The following ERAP1 variants were observed in gnomAD, a reference collection of about 807,000 sequenced individuals.
The protein encoded by ERAP1 is endoplasmic reticulum aminopeptidase 1.
In ERAP1, 86 loss-of-function variants were observed where a neutral mutation model predicts 103.7. The observed-to-expected ratio is 0.83, with a 90% confidence interval of 0.70 to 0.99. The LOEUF (loss-of-function observed/expected upper bound fraction) is 0.99. ERAP1 is among the 50% of genes least tolerant of loss of function. The pLI is 0.00. For missense variants in ERAP1, 1,009 were observed against 1,128.4 expected (o/e 0.89, Z 1.52); for synonymous variants, 398 against 402.4 (o/e 0.99, Z 0.13).
chr5:96,892,288 T>C, the ERAP1 span: 280 of 1,613,500 alleles, frequency 1.7e-4, 1 homozygote, highest in Non-Finnish European at 1.4e-5. Context: ...ATGGTTGTTC[T>C]TATTTCTTAG....
At chr5:96,790,995 C>A (rs1252440452) in intron 8 of ERAP1, among the ~76,000 whole-genome samples, 1 of 152,224 alleles carries the variant, frequency 6.6e-6, no homozygotes, top group East Asian at 1.9e-4. Flanking sequence ...ACCTGGCTCT[C>A]CCACTGCCAT....
rs1035073603 is a variant in ERAP1 at position 96,776,031 on chromosome 5, G to C, written c.*365C>G. 1.4e-5 allele frequency: 16 copies of C among 1,159,642 alleles called. No homozygotes were observed. In the African/African-American group the frequency reaches 1.9e-4, roughly 14 times the overall value. The allele number at this position is 1,159,642 out of a possible 1,614,324, so 71.8% of individuals were successfully genotyped here. A position where few individuals can be genotyped will look rare whatever the true frequency, so the allele number is the denominator to read the frequency against. On this transcript the variant is annotated 3_prime_UTR_variant, in exon 19 of 19. Coordinates refer to ENST00000443439, the MANE Select transcript of ERAP1 (RefSeq NM_001040458.3). ...TCATTGTTCAGTAGTCGACTATTCA[G>C]AGTCTTTCGAGGAGACTGATGAAAC...
chr5:96,817,174 T>A, the ERAP1 span, among the ~76,000 whole-genome samples: 1 of 152,160 alleles, frequency 6.6e-6, no homozygotes, highest in South Asian at 2.1e-4. Context: ...AGTCTCCCCA[T>A]GGGCAAAGCC....
At chr5:96,785,516 TCTC>T in intron 13 of ERAP1, 2 of 435,948 alleles carry the variant, frequency 4.6e-6, no homozygotes, top group Non-Finnish European at 8.6e-6. Flanking sequence ...AGGATGTTGA[TCTC>T]CTGGTTATCT....
At chr5:96,804,091 T>C (rs1778291691) in intron 1 of ERAP1, 148 bp from the exon 2 acceptor site, 2 of 792,518 alleles carry the variant, frequency 2.5e-6, no homozygotes, top group South Asian at 3.3e-5. Flanking sequence ...TAAAAGGACC[T>C]TCCCTATGTT....
At chr5:96,785,649 G>A in intron 13 of ERAP1, 139 bp downstream of exon 13, 2 of 849,482 alleles carry the variant, frequency 2.4e-6, no homozygotes, top group Admixed American at 2.2e-5. Context: ...AAGCAATCTT[G>A]GGTTGTTAGA....
At chr5:96,761,815 T>G (rs1768059107) in exon 20 of ERAP1, 3 of 154,310 alleles carry the variant, frequency 1.9e-5, no homozygotes, top group African/African-American at 7.2e-5. Context: ...AGTCAAATTC[T>G]GGCAAGCAAG....
At chr5:96,820,232 C>A in the ERAP1 span, among the ~76,000 whole-genome samples, 13 of 152,206 alleles carry the variant, frequency 8.5e-5, no homozygotes, top group Admixed American at 2.6e-4. Flanking sequence ...TTTAATCTGG[C>A]AACTAACTAA....
intron 2 of ERAP1, among the ~76,000 whole-genome samples, chr5:96,801,571 G>A (rs1400515190): frequency 6.6e-6 from 1 of 151,844 alleles, no homozygotes; most frequent in South Asian, 2.1e-4. Flanking sequence ...CTAAAAATAT[G>A]TAATCCTAAA....
chr5:96,876,768 T>C, the ERAP1 span, among the ~76,000 whole-genome samples: 1 of 152,126 alleles, frequency 6.6e-6, no homozygotes, highest in African/African-American at 2.4e-5. Flanking sequence ...TTTCTAAGCG[T>C]TTGTGACAAT....
the ERAP1 span, chr5:96,902,820 A>G: frequency 1.3e-5 from 2 of 155,412 alleles, no homozygotes; most frequent in Admixed American, 1.3e-4. Flanking sequence ...AACCTCACAG[A>G]GTTGTTGAGA....
chr5:96,827,459 C>T, the ERAP1 span, among the ~76,000 whole-genome samples: 5 of 152,042 alleles, frequency 3.3e-5, no homozygotes, highest in African/African-American at 9.7e-5. Context: ...CTCAAGAGTT[C>T]GTGAACAGCC....
chr5:96,915,727 T>C, the ERAP1 span: 3 of 1,600,156 alleles, frequency 1.9e-6, no homozygotes, highest in Non-Finnish European at 2.6e-6. Flanking sequence ...TGATCATCTC[T>C]GGCACAACAG....
the ERAP1 span, among the ~76,000 whole-genome samples, chr5:96,840,730 G>A: frequency 2.7e-5 from 4 of 150,262 alleles, no homozygotes; most frequent in South Asian, 2.1e-4. Flanking sequence ...TTTTTGAGAC[G>A]GAGTCTCGCT....
At chr5:96,911,873 A>AATAAAAAAT in the ERAP1 span, among the ~76,000 whole-genome samples, 2 of 147,374 alleles carry the variant, frequency 1.4e-5, no homozygotes, top group East Asian at 3.9e-4. Flanking sequence ...TCTCAAAAAA[A>AATAAAAAAT]AAAAAAAAGA....
chr5:96,903,568 A>AAC, the ERAP1 span: 1 of 1,585,994 alleles, frequency 6.3e-7, no homozygotes, highest in East Asian at 2.3e-5. Context: ...TGGGTAAGGC[A>AAC]ACATTTCCTC....
the ERAP1 span, chr5:96,896,494 C>T: frequency 3.7e-5 from 59 of 1,613,008 alleles, no homozygotes; most frequent in African/African-American, 6.5e-4. Context: ...GATGAAGTTT[C>T]CTATAACAAG....
intron 3 of ERAP1, 98 bp downstream of exon 3, chr5:96,800,764 C>G: frequency 7.4e-7 from 1 of 1,344,822 alleles, no homozygotes; most frequent in Non-Finnish European, 1.1e-6. Context: ...GGCAATAAAA[C>G]AAAACAGGTG....
At chr5:96,879,576 T>C in the ERAP1 span, 5 of 728,348 alleles carry the variant, frequency 6.9e-6, no homozygotes, top group African/African-American at 3.5e-5. Flanking sequence ...TAAATTCATG[T>C]ATTGAAAATA....
Sources: gnomAD v4.1 joint callset for allele counts (sites outside exome capture counted in the v4.1 genomes callset) on GRCh38, gnomAD v4.1.1 for gene constraint, MANE v1.5 for transcripts, NCBI Gene and HGNC (gene_info 2026-07-23, HGNC 2026-07-21) for gene names.